SNW1: variants seen among roughly 807,000 people sequenced by gnomAD.
SNW1 encodes the protein SNW domain containing 1, also known as SNW domain-containing protein 1.
SNW1 carries 9 observed loss-of-function variants against 75.6 expected under a neutral mutation model. The ratio of observed to expected loss-of-function variants is 0.12; its 90% CI spans 0.07 to 0.21. The LOEUF (loss-of-function observed/expected upper bound fraction) is 0.21, where lower values mean the gene tolerates loss of function less well. SNW1 is among the 10% of genes least tolerant of loss of function. The pLI is 1.00. For synonymous variants in SNW1, 200 were observed against 219.1 expected, an observed-to-expected ratio of 0.91 and a Z score of 0.77; for missense variants, 409 against 670.9, an observed-to-expected ratio of 0.61 and a Z score of 4.31.
At chr14:77,751,211 C>G in intron 3 of SNW1, 108 bp downstream of exon 3, 1 of 1,146,354 alleles carries the variant, frequency 8.7e-7, no homozygotes, top group Non-Finnish European at 1.2e-6. Flanking sequence ...CCATGCCCAG[C>G]CACTGCTACT....
At chr14:77,747,720 G>C (rs886585510) in intron 3 of SNW1, among the ~76,000 whole-genome samples, 1 of 146,704 alleles carries the variant, frequency 6.8e-6, no homozygotes, top group Non-Finnish European at 1.5e-5. Flanking sequence ...GGCAGCCCCC[G>C]CCCCGGCAGC....
chr14:77,728,539 A>C (rs530143396), intron 10 of SNW1, among the ~76,000 whole-genome samples: 31 of 152,380 alleles, frequency 2.0e-4, no homozygotes, highest in African/African-American at 7.0e-4. Context: ...GATTCTATTG[A>C]ATAAAGAACT....
chr14:77,722,641 G>A (rs887048153), intron 11 of SNW1: 1 of 373,112 alleles, frequency 2.7e-6, no homozygotes. Context: ...TCTCAATTCT[G>A]ACTTAAGTGA....
At chr14:77,739,976 T>C (rs2112133) in intron 3 of SNW1, among the ~76,000 whole-genome samples, 5 of 151,546 alleles carry the variant, frequency 3.3e-5, no homozygotes, top group African/African-American at 1.2e-4. Context: ...CTACTAAAAA[T>C]ACAAAAAATT....
chr14:77,736,665 T>G (rs953130111), intron 6 of SNW1, among the ~76,000 whole-genome samples: 1 of 152,320 alleles, frequency 6.6e-6, no homozygotes, highest in South Asian at 2.1e-4. Context: ...TTGACACAAA[T>G]ATGCACCTGT....
intron 10 of SNW1, among the ~76,000 whole-genome samples, chr14:77,725,949 A>T (rs1389473524): frequency 6.6e-6 from 1 of 152,068 alleles, no homozygotes; most frequent in Non-Finnish European, 1.5e-5. Context: ...TTTATAGCCG[A>T]TCCATTTATT....
rs1363488293 is a variant in SNW1 at position 77,739,016 on chromosome 14, T to C, written c.376A>G (p.Asn126Asp). The C allele has an allele frequency of 6.2e-7, 1 of 1,614,098 alleles. No homozygotes were observed. Among genetic ancestry groups the C allele is most frequent in the Non-Finnish European group, 8.5e-7 (1 of 1,180,012 alleles). Residue 126 changes from asparagine (N) to aspartate (D), a missense_variant, in exon 4 of 14, where the codon AAT becomes GAT. Asn to Asp is a conservative substitution (Grantham distance 23). Transcript: ENST00000261531. ...CTTTGCAGGTCTGGATCATCTGCAT[T>C]CATAACCTCCTTTGGAACCAGGTCA... ...YTDLVPKEVMNADDPDLQRPD... is the reference protein window; with the variant it reads ...YTDLVPKEVMDADDPDLQRPD...
At chr14:77,720,972 T>TC in intron 11 of SNW1, 144 bp from the exon 12 acceptor site, 1 of 652,466 alleles carries the variant, frequency 1.5e-6, no homozygotes, top group Non-Finnish European at 2.7e-6. Context: ...TGATGATACA[T>TC]AATCAAGCTG....
intron 3 of SNW1, 75 bp downstream of exon 3, chr14:77,751,244 G>A: frequency 7.1e-7 from 1 of 1,411,334 alleles, no homozygotes; most frequent in Non-Finnish European, 9.7e-7. Flanking sequence ...CAAACAGCAA[G>A]AGATTTATCG....
intron 3 of SNW1, among the ~76,000 whole-genome samples, chr14:77,749,294 C>T (rs1165175013): frequency 6.6e-6 from 1 of 152,032 alleles, no homozygotes; most frequent in Admixed American, 6.6e-5. Flanking sequence ...GAGACTTTTG[C>T]CAGAGAGCAC....
intron 3 of SNW1, among the ~76,000 whole-genome samples, chr14:77,741,954 A>G (rs1402048316): frequency 2.0e-5 from 3 of 152,272 alleles, no homozygotes; most frequent in Non-Finnish European, 4.4e-5. Context: ...AGCATCAATA[A>G]GATTCTAGTA....
At chr14:77,747,947 G>A (rs4899676) in intron 3 of SNW1, among the ~76,000 whole-genome samples, 51,022 of 152,134 alleles carry the variant, frequency 0.34, 9,851 homozygotes, top group East Asian at 0.5. Context: ...CCATGATGAC[G>A]ATGGCGGTTT....
chr14:77,756,970 C>T (rs760771338), intron 1 of SNW1, among the ~76,000 whole-genome samples: 4 of 152,122 alleles, frequency 2.6e-5, no homozygotes, highest in Non-Finnish European at 4.4e-5. Flanking sequence ...GTCAAGGTAA[C>T]CTTTCTACTA....
chr14:77,719,333 G>C (rs904297714), intron 12 of SNW1, among the ~76,000 whole-genome samples: 11 of 152,056 alleles, frequency 7.2e-5, no homozygotes, highest in African/African-American at 2.4e-4. Flanking sequence ...CCATTGTATA[G>C]TGGTTAAGAA....
intron 6 of SNW1, among the ~76,000 whole-genome samples, chr14:77,736,547 T>TAAAAAA (rs2080673370): frequency 2.1e-5 from 1 of 48,216 alleles, no homozygotes; most frequent in African/African-American, 9.8e-5. Context: ...AGACTGTCTC[T>TAAAAAA]CAAAAAACAA....
intron 1 of SNW1, among the ~76,000 whole-genome samples, chr14:77,759,385 G>A (rs140930258): frequency 7.8e-4 from 118 of 152,196 alleles, no homozygotes; most frequent in African/African-American, 2.7e-3. Context: ...CATGGCAAGC[G>A]TCTAGAGTCC....
At chr14:77,755,370 T>A (rs763243051) in intron 1 of SNW1, among the ~76,000 whole-genome samples, 1 of 152,084 alleles carries the variant, frequency 6.6e-6, no homozygotes, top group Non-Finnish European at 1.5e-5. Flanking sequence ...GAATAAAAAA[T>A]TAACAGATAT....
At chr14:77,746,259 T>C (rs2080759732) in intron 3 of SNW1, among the ~76,000 whole-genome samples, 1 of 152,206 alleles carries the variant, frequency 6.6e-6, no homozygotes, top group Admixed American at 6.5e-5. Context: ...ATATACATGA[T>C]GAGAAAGACA....
chr14:77,759,076 G>C (rs974229326), intron 1 of SNW1, among the ~76,000 whole-genome samples: 1 of 152,186 alleles, frequency 6.6e-6, no homozygotes, highest in African/African-American at 2.4e-5. Flanking sequence ...ACAGAACTCA[G>C]GGAAATGTGT....
Sources: allele counts gnomAD v4.1 joint callset (sites outside exome capture counted in the v4.1 genomes callset), GRCh38; gene constraint gnomAD v4.1.1; transcripts MANE v1.5; gene names NCBI Gene and HGNC (gene_info 2026-07-23, HGNC 2026-07-21).